The following PRDM16 variants were observed in gnomAD, a reference collection of about 807,000 sequenced individuals.
The protein encoded by PRDM16 is histone-lysine N-methyltransferase PRDM16.
A neutral mutation model predicts 110.6 loss-of-function variants in PRDM16; 23 were observed. That is an observed-to-expected ratio of 0.21 (90% CI 0.15 to 0.29). The LOEUF (loss-of-function observed/expected upper bound fraction) is 0.29, where lower values mean the gene tolerates loss of function less well. Ranked by LOEUF, PRDM16 falls within the 10% of genes least tolerant of loss-of-function variation. PRDM16 has a pLI of 1.00. For synonymous variants in PRDM16, 799 were observed against 781.8 expected, an observed-to-expected ratio of 1.02 and a Z score of -0.37; for missense variants, 1,615 against 1,794.3, an observed-to-expected ratio of 0.90 and a Z score of 1.81.
intron 8 of PRDM16, among the ~76,000 whole-genome samples, chr1:3,410,706 C>T (rs139835759): frequency 4.1e-4 from 62 of 152,292 alleles, no homozygotes; most frequent in African/African-American, 1.4e-3. Flanking sequence ...GCACAGTCTG[C>T]GTGGTCAGCG....
intron 1 of PRDM16, among the ~76,000 whole-genome samples, chr1:3,117,937 T>A (rs529239776): frequency 6.6e-6 from 1 of 152,312 alleles, no homozygotes; most frequent in African/African-American, 2.4e-5. Context: ...CGGAAATCCA[T>A]GCAAGTTGTG....
chr1:3,229,778 G>A lies in PRDM16; in HGVS notation c.388-14309G>A, dbSNP rs78982629. Among the ~76,000 whole-genome samples, 1,504 of 152,258 alleles carry A rather than the reference G, an allele frequency of 9.9e-3. 23 individuals are homozygous for A. Among genetic ancestry groups the A allele is most frequent in the African/African-American group, 0.035 (1,434 of 41,534 alleles). On this transcript the variant is annotated intron_variant, in intron 2 of 16. Coordinates refer to ENST00000270722, the MANE Select transcript of PRDM16 (RefSeq NM_022114.4). ...CGAGCAGGTGTGTCTGTTTTTCTGA[G>A]GCTCATGGACAGCAGGCAGGAGCAG... is the stretch of plus-strand genomic sequence containing the variant.
intron 3 of PRDM16, among the ~76,000 whole-genome samples, chr1:3,254,415 T>C (rs1026801271): frequency 3.3e-5 from 5 of 152,066 alleles, no homozygotes; most frequent in African/African-American, 1.2e-4. Context: ...AAAACCCCAT[T>C]GTCTCAGCCC....
intron 4 of PRDM16, among the ~76,000 whole-genome samples, chr1:3,395,471 C>T (rs1317029262): frequency 6.6e-6 from 1 of 152,182 alleles, no homozygotes; most frequent in Non-Finnish European, 1.5e-5. Context: ...GCCTCACAGC[C>T]AGTCCTCCGG....
rs71580203 is a variant in PRDM16 at position 3,147,292 on chromosome 1, TAGAA to T, written c.38-38832_38-38829del. 2.1e-3 allele frequency among the ~76,000 whole-genome samples: 313 copies of T among 152,018 alleles called. 2 individuals carry two copies. Among genetic ancestry groups the T allele is most frequent in the Middle Eastern group, 3.4e-3 (1 of 294 alleles). ...CATCAGTGCTGGATAATTCTGGACT[TAGAA>T]GGAAAAGAAAGCCTTGAGGTCTGGG... On this transcript the variant is annotated intron_variant, in intron 1 of 16. Coordinates refer to ENST00000270722, the MANE Select transcript of PRDM16 (RefSeq NM_022114.4).
intron 1 of PRDM16, among the ~76,000 whole-genome samples, chr1:3,083,783 C>A (rs1443125112): frequency 6.6e-6 from 1 of 152,182 alleles, no homozygotes; most frequent in East Asian, 1.9e-4. Context: ...CCTGACCTTC[C>A]GACTGCTGGG....
At chr1:3,199,233 G>A (rs1367309376) in intron 2 of PRDM16, among the ~76,000 whole-genome samples, 1 of 152,172 alleles carries the variant, frequency 6.6e-6, no homozygotes, top group East Asian at 1.9e-4. Flanking sequence ...TGCCGCCGAG[G>A]AGCTTGCCTG....
intron 2 of PRDM16, among the ~76,000 whole-genome samples, chr1:3,235,614 AC>A (rs2100896068): frequency 6.6e-6 from 1 of 151,976 alleles, no homozygotes; most frequent in South Asian, 2.1e-4. Context: ...ACACCAGGTC[AC>A]CCCCACCCGC....
chr1:3,089,841 A>T (rs758749137), intron 1 of PRDM16, among the ~76,000 whole-genome samples: 1 of 152,198 alleles, frequency 6.6e-6, no homozygotes, highest in South Asian at 2.1e-4. Flanking sequence ...ACTTGCTCCA[A>T]CTTCCTCCGG....
At chr1:3,086,412 G>A (rs1259796142) in intron 1 of PRDM16, among the ~76,000 whole-genome samples, 5 of 152,166 alleles carry the variant, frequency 3.3e-5, no homozygotes, top group Admixed American at 2.6e-4. Context: ...AAGCTGCCAC[G>A]GGGCTGCTAC....
chr1:3,084,885 G>T (rs1169173134), intron 1 of PRDM16, among the ~76,000 whole-genome samples: 1 of 152,216 alleles, frequency 6.6e-6, no homozygotes, highest in African/African-American at 2.4e-5. Flanking sequence ...CACACCTGGG[G>T]CTGGAGTTGC....
rs774519911 is a variant in PRDM16, at chr1:3,244,063, A to G, written c.388-24A>G. 1.2e-6 allele frequency: 2 copies of G among 1,612,812 alleles called. No homozygotes were observed. The highest frequency in any genetic ancestry group is 1.7e-6 in the Non-Finnish European group (2 of 1,179,100). ...GAGAATGTTTTATCAGAAACTAACA[A>G]CCCCTCTCAAAATTGTTTTGCAGCA... On this transcript the variant is annotated intron_variant, in intron 2 of 16. Coordinates refer to ENST00000270722, the MANE Select transcript of PRDM16 (RefSeq NM_022114.4). The surrounding 1 kb of genome is among the most constrained non-coding windows in gnomAD (Gnocchi z 4.1).
At chr1:3,160,230 G>A (rs925927854) in intron 1 of PRDM16, among the ~76,000 whole-genome samples, 1 of 152,204 alleles carries the variant, frequency 6.6e-6, no homozygotes, top group Non-Finnish European at 1.5e-5. Flanking sequence ...CCCTGGTGTC[G>A]ATTGAATGGG....
In PRDM16 at chr1:3,370,749, G is replaced by A. The variant is rs1484450105; in HGVS notation, c.439-14403G>A. The stretch of plus-strand genomic sequence containing the variant: ...TGTCTCACCATACGAAGTTGGGGAA[G>A]CCATAAGTGTCTGGGCAAGTTGAGG... On this transcript the variant is annotated intron_variant, in intron 3 of 16. Transcript: ENST00000270722. The surrounding 1 kb of genome is among the most constrained non-coding windows in gnomAD (Gnocchi z 4.8). Among the ~76,000 whole-genome samples, 1 of 152,174 alleles carries A rather than the reference G, an allele frequency of 6.6e-6. No homozygotes were observed. The highest frequency in any genetic ancestry group is 2.4e-5 in the African/African-American group (1 of 41,432).
intron 1 of PRDM16, among the ~76,000 whole-genome samples, chr1:3,183,953 G>A (rs1378066678): frequency 1.3e-5 from 2 of 152,134 alleles, no homozygotes; most frequent in East Asian, 1.9e-4. Context: ...TGCGAGCTCC[G>A]TGCAGTTACC....
At chr1:3,380,019 A>G (rs1353641329) in intron 3 of PRDM16, among the ~76,000 whole-genome samples, 2 of 125,292 alleles carry the variant, frequency 1.6e-5, no homozygotes, top group Non-Finnish European at 3.3e-5. Flanking sequence ...TCCCAGTGCA[A>G]TCCCTCACCA....
chr1:3,316,868 C>A (rs1043060065), intron 3 of PRDM16, among the ~76,000 whole-genome samples: 20 of 152,064 alleles, frequency 1.3e-4, no homozygotes, highest in African/African-American at 4.8e-4. Context: ...CACAGTGGAG[C>A]CAGGAAGTAA....
At chr1:3,413,330 GAGA>G (rs1326768663) in intron 9 of PRDM16, among the ~76,000 whole-genome samples, 1 of 152,158 alleles carries the variant, frequency 6.6e-6, no homozygotes, top group Non-Finnish European at 1.5e-5. Context: ...GGGGGAATCA[GAGA>G]AGGAGCCAGT....
At chr1:3,200,556 A>AT (rs1238651567) in intron 2 of PRDM16, among the ~76,000 whole-genome samples, 2 of 152,050 alleles carry the variant, frequency 1.3e-5, no homozygotes, top group Admixed American at 1.3e-4. Context: ...GTTAGCCAGG[A>AT]TGGTCTCGAT....
Sources: allele counts gnomAD v4.1 joint callset (sites outside exome capture counted in the v4.1 genomes callset), GRCh38; gene constraint gnomAD v4.1.1; non-coding constraint Gnocchi (gnomAD v3.1); transcripts MANE v1.5; gene names NCBI Gene and HGNC (gene_info 2026-07-23, HGNC 2026-07-21).